Variants in ESRRG observed in about 807,000 individuals in gnomAD.
ESRRG encodes the protein estrogen related receptor gamma.
In ESRRG, 13 loss-of-function variants were observed where a neutral mutation model predicts 44.0. The observed-to-expected ratio is 0.30, with a 90% CI of 0.19 to 0.47. The LOEUF (loss-of-function observed/expected upper bound fraction) is 0.47. Among genes scored for constraint, ESRRG ranks in the 20% least tolerant of loss-of-function variants. ESRRG has a pLI of 1.00. For missense variants in ESRRG, 395 were observed against 580.6 expected (o/e 0.68, Z 3.29); for synonymous variants, 215 against 214.6 (o/e 1.00, Z -0.02).
chr1:216,995,570 AT>A (rs1213815125), intron 1 of ESRRG, among the ~76,000 whole-genome samples: 1 of 152,106 alleles, frequency 6.6e-6, no homozygotes, highest in African/African-American at 2.4e-5. Context: ...CTGTTAAATG[AT>A]CCTTCTTGAC....
At chr1:216,641,112 T>C (rs2066331374) in intron 3 of ESRRG, among the ~76,000 whole-genome samples, 1 of 152,212 alleles carries the variant, frequency 6.6e-6, no homozygotes, top group Non-Finnish European at 1.5e-5. Context: ...CTTTTAATAG[T>C]ATCCCTACTA....
intron 1 of ESRRG, among the ~76,000 whole-genome samples, chr1:217,133,224 G>C (rs1162159343): frequency 6.6e-6 from 1 of 152,222 alleles, no homozygotes; most frequent in Non-Finnish European, 1.5e-5. Context: ...CCTAAGCGAC[G>C]GAAGCTCCCG....
intron 2 of ESRRG, among the ~76,000 whole-genome samples, chr1:216,915,546 C>T (rs2061052924): frequency 6.6e-6 from 1 of 152,006 alleles, no homozygotes; most frequent in South Asian, 2.1e-4. Context: ...AATCAATCTA[C>T]CATCCAACCC....
At chr1:217,080,444 T>A (rs1022621574) in intron 1 of ESRRG, among the ~76,000 whole-genome samples, 6 of 152,152 alleles carry the variant, frequency 3.9e-5, no homozygotes, top group African/African-American at 1.4e-4. Flanking sequence ...ATTATATACA[T>A]GTCAAAGTTC....
intron 1 of ESRRG, among the ~76,000 whole-genome samples, chr1:216,968,881 C>T (rs1180355795): frequency 6.6e-6 from 1 of 151,982 alleles, no homozygotes; most frequent in Non-Finnish European, 1.5e-5. Flanking sequence ...TTTAGTTATC[C>T]TTTAACTAGA....
At chr1:216,726,325 A>G (rs1466529707), upstream of ESRRG, among the ~76,000 whole-genome samples, 3 of 150,902 alleles carry the variant, frequency 2.0e-5, no homozygotes, top group African/African-American at 7.4e-5. Context: ...TAACCAATTT[A>G]AAATTTTTAA....
At chr1:216,624,556 C>T (rs1267191517) in intron 3 of ESRRG, among the ~76,000 whole-genome samples, 1 of 152,174 alleles carries the variant, frequency 6.6e-6, no homozygotes, top group Non-Finnish European at 1.5e-5. Flanking sequence ...AGCATACCTG[C>T]CTTCAATACC....
chr1:216,567,819 T>C (rs546105227), intron 4 of ESRRG, among the ~76,000 whole-genome samples, 169 bp downstream of exon 4: 24 of 152,224 alleles, frequency 1.6e-4, no homozygotes, highest in Admixed American at 1.4e-3. Flanking sequence ...GATAATAAGC[T>C]GAGTTGCTGT....
At chr1:216,899,324 C>T (rs572136463) in intron 2 of ESRRG, among the ~76,000 whole-genome samples, 3 of 152,114 alleles carry the variant, frequency 2.0e-5, no homozygotes, top group South Asian at 2.1e-4. Context: ...ACAATGTTGA[C>T]GATGTTTATA....
intron 2 of ESRRG, among the ~76,000 whole-genome samples, chr1:216,884,858 T>G (rs902771095): frequency 1.3e-5 from 2 of 152,184 alleles, no homozygotes; most frequent in African/African-American, 4.8e-5. Flanking sequence ...GATACAGCAG[T>G]ATGTAAAGAG....
intron 2 of ESRRG, among the ~76,000 whole-genome samples, chr1:216,746,283 T>C (rs78066733): frequency 0.013 from 2,025 of 152,280 alleles, 49 homozygotes; most frequent in African/African-American, 0.046. Flanking sequence ...GAACTCTTTC[T>C]GCTACAACAC....
chr1:216,983,526 T>A (rs1006861970), intron 1 of ESRRG, among the ~76,000 whole-genome samples: 3 of 152,146 alleles, frequency 2.0e-5, no homozygotes, highest in Admixed American at 6.5e-5. Flanking sequence ...TGTACTGATT[T>A]TTTTGGTGAG....
chr1:216,836,572 A>G (rs2095568373), intron 2 of ESRRG, among the ~76,000 whole-genome samples: 2 of 152,200 alleles, frequency 1.3e-5, no homozygotes, highest in South Asian at 4.1e-4. Context: ...CCAGGAAAAC[A>G]GGTGATCTCT....
At chr1:216,749,284 C>T (rs887263249) in intron 2 of ESRRG, among the ~76,000 whole-genome samples, 3 of 152,022 alleles carry the variant, frequency 2.0e-5, no homozygotes, top group African/African-American at 7.2e-5. Context: ...CATGGTTTGT[C>T]GTGTCTCTCA....
chr1:216,912,176 AAAAGAAAAGG>A (rs1560082675), intron 2 of ESRRG, among the ~76,000 whole-genome samples: 2,709 of 29,798 alleles, frequency 0.091, 228 homozygotes, highest in Middle Eastern at 0.11. Context: ...AAAAGAAAAG[AAAAGAAAAGG>A]AGAGGAGAGG....
At chr1:216,890,548 A>C (rs145974326) in intron 2 of ESRRG, among the ~76,000 whole-genome samples, 1 of 152,278 alleles carries the variant, frequency 6.6e-6, no homozygotes, top group African/African-American at 2.4e-5. Flanking sequence ...AAATTATGTG[A>C]CCCTATCACT....
At chr1:217,011,962 T>A (rs1046160184) in intron 1 of ESRRG, among the ~76,000 whole-genome samples, 4 of 152,190 alleles carry the variant, frequency 2.6e-5, no homozygotes, top group African/African-American at 9.7e-5. Context: ...GATTACATAT[T>A]CCTAGAAGCC....
intron 4 of ESRRG, among the ~76,000 whole-genome samples, chr1:216,565,849 C>T (rs1191508226): frequency 6.6e-6 from 1 of 152,058 alleles, no homozygotes; most frequent in Non-Finnish European, 1.5e-5. Context: ...TTTAGTTATG[C>T]TTGGAAAAGT....
chr1:217,047,279 C>G (rs1238590619), intron 1 of ESRRG, among the ~76,000 whole-genome samples: 2 of 152,054 alleles, frequency 1.3e-5, no homozygotes, highest in Non-Finnish European at 2.9e-5. Context: ...TAAATATGTC[C>G]ACTTGGATGT....
Sources: allele counts gnomAD v4.1 joint callset (sites outside exome capture counted in the v4.1 genomes callset), GRCh38; gene constraint gnomAD v4.1.1; transcripts MANE v1.5; gene names NCBI Gene and HGNC (gene_info 2026-07-23, HGNC 2026-07-21).